The following TAFA5 variants were observed in gnomAD, a reference collection of about 807,000 sequenced individuals.
The protein encoded by TAFA5 is TAFA chemokine like family member 5.
TAFA5 carries 6 observed loss-of-function variants against 15.3 expected under a neutral mutation model. The observed-to-expected ratio is 0.39, with a 90% CI of 0.21 to 0.77. The LOEUF (loss-of-function observed/expected upper bound fraction) is 0.77, where lower values mean the gene tolerates loss of function less well. TAFA5 is among the 30% of genes least tolerant of loss of function. The probability of loss-of-function intolerance (pLI) is 0.41; values close to 1 mark genes in which losing one functional copy is unlikely to be tolerated. For missense variants in TAFA5, 161 were observed against 193.1 expected (o/e 0.83, Z 0.98); for synonymous variants, 103 against 80.7 (o/e 1.28, Z -1.48).
intron 3 of TAFA5, among the ~76,000 whole-genome samples, chr22:48,737,917 G>A (rs1028671967): frequency 2.0e-5 from 3 of 152,138 alleles, no homozygotes; most frequent in Non-Finnish European, 2.9e-5. Context: ...AGTGAGGGCC[G>A]CGGTCACTGT....
intron 1 of TAFA5, among the ~76,000 whole-genome samples, chr22:48,599,530 G>A (rs544087059): frequency 2.6e-5 from 4 of 152,364 alleles, no homozygotes; most frequent in African/African-American, 4.8e-5. Flanking sequence ...CAGAGAGAGC[G>A]TGACTGCAGG....
At chr22:48,663,839 T>G (rs75243007) in intron 2 of TAFA5, among the ~76,000 whole-genome samples, 12,400 of 152,242 alleles carry the variant, frequency 0.081, 655 homozygotes, top group Non-Finnish European at 0.12. Context: ...GTACTTGTGT[T>G]CAAGACACCC....
rs994664525 is a variant in TAFA5, at chr22:48,550,939, G to A, written c.112+61235G>A. On this transcript the variant is annotated intron_variant, in intron 1 of 3. Coordinates refer to ENST00000402357, the MANE Select transcript of TAFA5 (RefSeq NM_001082967.3). This position sits in a 1 kb window ranked among gnomAD's most constrained non-coding sequence, Gnocchi z 4.1. ...TTGGGGCATCGTAAGATGGGCTGCT[G>A]TGGTGTCCCCTCCCCACCAGGGCTG... Among the ~76,000 whole-genome samples, 1 of 151,938 alleles carries A rather than the reference G, an allele frequency of 6.6e-6. No individual in the cohort carries two copies. Among genetic ancestry groups the A allele is most frequent in the Non-Finnish European group, 1.5e-5 (1 of 67,972 alleles).
chr22:48,722,338 A>G (rs1470964799), intron 3 of TAFA5, among the ~76,000 whole-genome samples: 1 of 152,250 alleles, frequency 6.6e-6, no homozygotes, highest in Non-Finnish European at 1.5e-5. Flanking sequence ...TGGATAAAGC[A>G]AATGTGGCAC....
At chr22:48,497,012 C>T (rs572391181) in intron 1 of TAFA5, among the ~76,000 whole-genome samples, 7 of 152,330 alleles carry the variant, frequency 4.6e-5, no homozygotes, top group African/African-American at 1.4e-4. Context: ...TGGAGGCCCC[C>T]TCCTTATGGG....
intron 2 of TAFA5, among the ~76,000 whole-genome samples, chr22:48,684,179 G>A (rs769286597): frequency 5.9e-5 from 9 of 152,104 alleles, no homozygotes; most frequent in South Asian, 2.1e-4. Flanking sequence ...GTGAGCGTTC[G>A]GAAGCAGAAG....
intron 1 of TAFA5, among the ~76,000 whole-genome samples, chr22:48,614,289 C>T (rs1039609054): frequency 6.6e-6 from 1 of 152,216 alleles, no homozygotes; most frequent in South Asian, 2.1e-4. Flanking sequence ...ACCCATCTGC[C>T]CCCCACAACT....
intron 3 of TAFA5, among the ~76,000 whole-genome samples, chr22:48,718,317 G>A (rs934510362): frequency 2.6e-5 from 4 of 152,188 alleles, no homozygotes; most frequent in Non-Finnish European, 5.9e-5. Flanking sequence ...GGAAGAAGGG[G>A]GATGCTGTAG....
intron 1 of TAFA5, among the ~76,000 whole-genome samples, chr22:48,511,140 G>T (rs756218683): frequency 9.2e-5 from 14 of 152,258 alleles, no homozygotes; most frequent in Non-Finnish European, 2.1e-4. Context: ...AGCAGGGACA[G>T]CCCTGGAGGA....
intron 3 of TAFA5, among the ~76,000 whole-genome samples, chr22:48,711,815 C>A (rs911186174): frequency 3.3e-5 from 5 of 152,196 alleles, no homozygotes; most frequent in African/African-American, 1.2e-4. Flanking sequence ...GCCTGCCCAG[C>A]TGCGCGCCAC....
chr22:48,639,552 G>T (rs567724041), intron 1 of TAFA5, among the ~76,000 whole-genome samples: 3 of 152,266 alleles, frequency 2.0e-5, no homozygotes, highest in African/African-American at 7.2e-5. Flanking sequence ...CCTGTTTCCC[G>T]CCAGGGAGGC....
chr22:48,557,482 T>C (rs1466890105), intron 1 of TAFA5, among the ~76,000 whole-genome samples: 1 of 152,186 alleles, frequency 6.6e-6, no homozygotes, highest in African/African-American at 2.4e-5. Context: ...CTGACAGGGA[T>C]GCACCTGTGC....
chr22:48,711,830 G>A (rs901788251), intron 3 of TAFA5, among the ~76,000 whole-genome samples: 4 of 152,130 alleles, frequency 2.6e-5, no homozygotes, highest in Non-Finnish European at 5.9e-5. Context: ...CGCCACCATC[G>A]CGCCGATCCC....
intron 1 of TAFA5, among the ~76,000 whole-genome samples, chr22:48,630,891 A>C (rs528847950): frequency 6.6e-6 from 1 of 152,164 alleles, no homozygotes; most frequent in Admixed American, 6.5e-5. Flanking sequence ...CCAGATACCC[A>C]GTGTCCCAGG....
chr22:48,733,694 G>A (rs1443188993), intron 3 of TAFA5, among the ~76,000 whole-genome samples: 3 of 152,114 alleles, frequency 2.0e-5, no homozygotes, highest in African/African-American at 4.8e-5. Flanking sequence ...AGTTTTCACA[G>A]ACCCAGTCTG....
rs1922876148 is a variant in TAFA5, at chr22:48,552,067, C to T, written c.112+62363C>T. 6.6e-6 allele frequency among the ~76,000 whole-genome samples: 1 copy of T among 152,232 alleles called. No homozygotes were observed. Among genetic ancestry groups the T allele is most frequent in the Non-Finnish European group, 1.5e-5 (1 of 68,032 alleles). The stretch of plus-strand genomic sequence containing the variant: ...CGGCAGGAAGCGTCCTCCAGTGCTC[C>T]CTCTGCTGTGCTCTGTCACTGTGGC... On this transcript the variant is annotated intron_variant, in intron 1 of 3. Coordinates refer to ENST00000402357, the MANE Select transcript of TAFA5 (RefSeq NM_001082967.3). The surrounding 1 kb of genome is among the most constrained non-coding windows in gnomAD (Gnocchi z 4.1).
chr22:48,514,584 A>T (rs1921337325), intron 1 of TAFA5, among the ~76,000 whole-genome samples: 1 of 151,860 alleles, frequency 6.6e-6, no homozygotes, highest in African/African-American at 2.4e-5. Context: ...CGCCCTGCAG[A>T]CCCTGCCCAG....
At chr22:48,575,273 C>T (rs1361357894) in intron 1 of TAFA5, among the ~76,000 whole-genome samples, 1 of 151,836 alleles carries the variant, frequency 6.6e-6, no homozygotes, top group African/African-American at 2.4e-5. Flanking sequence ...CAGTTTTCGG[C>T]TGGGCCGGCC....
intron 2 of TAFA5, among the ~76,000 whole-genome samples, chr22:48,692,613 A>T (rs1443619525): frequency 2.0e-5 from 3 of 152,176 alleles, no homozygotes; most frequent in Non-Finnish European, 4.4e-5. Context: ...AGTCTGATGA[A>T]GGTTAAGGAT....
Sources: gnomAD v4.1 joint callset for allele counts (sites outside exome capture counted in the v4.1 genomes callset) on GRCh38, gnomAD v4.1.1 for gene constraint, Gnocchi (gnomAD v3.1) non-coding constraint, MANE v1.5 for transcripts, NCBI Gene and HGNC (gene_info 2026-07-23, HGNC 2026-07-21) for gene names.